The following SBNO1 variants were observed in gnomAD, a reference collection of about 807,000 sequenced individuals.
SBNO1 encodes the protein protein strawberry notch homolog 1.
SBNO1 carries 23 observed loss-of-function variants against 173.6 expected under a neutral mutation model. The observed-to-expected ratio is 0.13, with a 90% CI of 0.10 to 0.19. SBNO1 has a LOEUF of 0.19. Ranked by LOEUF, SBNO1 falls within the 10% of genes least tolerant of loss-of-function variation. SBNO1 has a pLI of 1.00. For synonymous variants in SBNO1, 632 were observed against 571.5 expected (o/e 1.11, Z -1.51); for missense variants, 1,238 against 1,671.2 (o/e 0.74, Z 4.52).
intron 1 of SBNO1, among the ~76,000 whole-genome samples, chr12:123,363,136 T>C (rs775677322): frequency 5.3e-4 from 81 of 151,954 alleles, no homozygotes; most frequent in Non-Finnish European, 1.0e-3. Context: ...ATGGAATAAG[T>C]TGGAATGGAA....
chr12:123,347,519 C>T (rs1873339272), intron 3 of SBNO1, among the ~76,000 whole-genome samples: 1 of 150,586 alleles, frequency 6.6e-6, no homozygotes, highest in East Asian at 2.0e-4. Flanking sequence ...AGCCACTGTG[C>T]CTGGCCTCTT....
chr12:123,339,110 T>TA (rs1000081021), intron 5 of SBNO1, among the ~76,000 whole-genome samples: 5 of 152,166 alleles, frequency 3.3e-5, no homozygotes, highest in Admixed American at 3.3e-4. Context: ...GTGCTGTTGG[T>TA]AGACAATCAC....
At position 123,349,775 on chromosome 12, in the gene SBNO1, C is replaced by T. The variant is rs1475648774; in HGVS notation, c.132+535G>A. Reference sequence around the variant, plus strand: ...ACTAAAAATATAAAAATTAGCCAGGCGTCGTGGCCCATGCCTGTAATCCCA... The same window carrying T: ...ACTAAAAATATAAAAATTAGCCAGGTGTCGTGGCCCATGCCTGTAATCCCA... On this transcript the variant is annotated intron_variant, in intron 2 of 31. Coordinates refer to ENST00000602398, the MANE Select transcript of SBNO1 (RefSeq NM_001167856.3). Among the ~76,000 whole-genome samples, 8 of 152,084 alleles carry T rather than the reference C, an allele frequency of 5.3e-5. 1 individual carries two copies. The South Asian group carries it at 1.0e-3, about 20-fold the overall frequency.
chr12:123,341,147 A>G, intron 4 of SBNO1, 59 bp from the exon 5 acceptor site: 2 of 1,072,018 alleles, frequency 1.9e-6, no homozygotes, highest in South Asian at 3.0e-5. Context: ...TTTTCCCATT[A>G]TTTAAAAATC....
chr12:123,364,289 C>T, intron 1 of SBNO1: 1 of 985,632 alleles, frequency 1.0e-6, no homozygotes, highest in Non-Finnish European at 1.2e-6. Context: ...AGGATCCGGT[C>T]CTTACTTTCC....
At chr12:123,296,258 A>T (rs1039227669) in intron 31 of SBNO1, among the ~76,000 whole-genome samples, 1 of 148,152 alleles carries the variant, frequency 6.7e-6, no homozygotes, top group Non-Finnish European at 1.5e-5. Context: ...AAGCATATGC[A>T]TGTGTTTAGT....
At chr12:123,316,700 C>CT (rs200270900) in intron 21 of SBNO1, among the ~76,000 whole-genome samples, 1 of 95,616 alleles carries the variant, frequency 1.0e-5, no homozygotes, top group African/African-American at 2.7e-5. Context: ...TTCTTTTCTT[C>CT]TTCTTTTTTT....
intron 29 of SBNO1, 63 bp from the exon 30 acceptor site, chr12:123,302,963 C>T (rs1457733426): frequency 4.0e-6 from 5 of 1,243,112 alleles, no homozygotes; most frequent in East Asian, 2.3e-5. Flanking sequence ...GTTACCTAGT[C>T]TGGTCTGTAA....
chr12:123,302,661 T>C (rs2048825727), intron 30 of SBNO1, among the ~76,000 whole-genome samples, 163 bp downstream of exon 30: 1 of 152,218 alleles, frequency 6.6e-6, no homozygotes, highest in African/African-American at 2.4e-5. Context: ...CTAAACAGTT[T>C]CTAGTCTACA....
Position 123,315,655 on chromosome 12 carries a change from T to A in SBNO1, c.2941A>T (p.Thr981Ser). 1 of 1,597,920 alleles carries A rather than the reference T, an allele frequency of 6.3e-7. No homozygotes were observed. Among genetic ancestry groups the A allele is most frequent in the Non-Finnish European group, 8.6e-7 (1 of 1,165,504 alleles). The change falls in exon 22 of 32, where the codon ACT becomes TCT. Residue 981 changes from threonine to serine, a missense_variant. Physicochemically the swap from Thr to Ser is moderately conservative, Grantham distance 58. Coordinates refer to ENST00000602398, the MANE Select transcript of SBNO1 (RefSeq NM_001167856.3). ...GCAGTAACTTGGTTTGATCTATGAGTACGTCCTGCAACGAAATTTTGTTTT... is the reference window on the plus strand; with the variant it reads ...GCAGTAACTTGGTTTGATCTATGAGAACGTCCTGCAACGAAATTTTGTTTT... ...ADRAIQQFGR[T>S]HRSNQVTAPE...
At chr12:123,336,107 G>A (rs1186654408) in intron 6 of SBNO1, among the ~76,000 whole-genome samples, 1 of 151,942 alleles carries the variant, frequency 6.6e-6, no homozygotes, top group Non-Finnish European at 1.5e-5. Flanking sequence ...CAAAAACTAT[G>A]GAATTCAAAT....
intron 4 of SBNO1, 138 bp downstream of exon 4, chr12:123,345,120 A>G: frequency 1.4e-6 from 1 of 706,258 alleles, no homozygotes; most frequent in Non-Finnish European, 2.4e-6. Context: ...ATTGTGTTAA[A>G]GACTGTAAGT....
chr12:123,319,429 T>C (rs755307938), intron 20 of SBNO1, among the ~76,000 whole-genome samples: 3 of 151,868 alleles, frequency 2.0e-5, no homozygotes, highest in African/African-American at 4.8e-5. Context: ...CTAAAAAAAT[T>C]TGTGTAATAG....
intron 1 of SBNO1, among the ~76,000 whole-genome samples, chr12:123,351,809 A>AG (rs1873916805): frequency 6.6e-6 from 1 of 152,200 alleles, no homozygotes; most frequent in Admixed American, 6.6e-5. Flanking sequence ...AGGGAGCTAA[A>AG]TCCATCACAT....
chr12:123,316,845 G>A (rs573727152), intron 21 of SBNO1, among the ~76,000 whole-genome samples: 2 of 151,980 alleles, frequency 1.3e-5, no homozygotes, highest in South Asian at 4.2e-4. Context: ...TGGGATTACA[G>A]GTGTGTGCCA....
chr12:123,333,708 G>C (rs1046900874), intron 7 of SBNO1, among the ~76,000 whole-genome samples: 2 of 151,914 alleles, frequency 1.3e-5, no homozygotes, highest in Non-Finnish European at 2.9e-5. Context: ...ATGTTACCCA[G>C]ACTGGTCGCG....
chr12:123,318,215 G>C lies in SBNO1; in HGVS notation c.2800-859C>G, dbSNP rs547706136. ...AGTACTTTGAGAGGCCGAGGCAGACGGATCATTTGAGGTCAGGAGTTCAAG... is the reference window on the plus strand; with the variant it reads ...AGTACTTTGAGAGGCCGAGGCAGACCGATCATTTGAGGTCAGGAGTTCAAG... On this transcript the variant is annotated intron_variant, in intron 20 of 31. Coordinates refer to ENST00000602398, the MANE Select transcript of SBNO1 (RefSeq NM_001167856.3). Among the ~76,000 whole-genome samples the C allele has an allele frequency of 9.3e-4, 141 of 152,248 alleles. 1 individual carries two copies. The highest frequency in any genetic ancestry group is 3.4e-3 in the Middle Eastern group (1 of 294).
At chr12:123,357,180 C>T (rs920643799) in intron 1 of SBNO1, among the ~76,000 whole-genome samples, 1 of 152,194 alleles carries the variant, frequency 6.6e-6, no homozygotes, top group Non-Finnish European at 1.5e-5. Flanking sequence ...AGCATGGTGG[C>T]TCATGCCTGT....
Position 123,327,918 on chromosome 12 carries a change from G to C in SBNO1, c.1406C>G (p.Ala469Gly). Reference protein sequence around the residue: ...VLELQNKLPKARVVYASATGA... With the variant: ...VLELQNKLPKGRVVYASATGA... Reference sequence around the variant, plus strand: ...AGTTGCACTAGCATAAACAACTCTGGCTTTTGGCAATTTGTTCTGAAGCTC... The same window carrying C: ...AGTTGCACTAGCATAAACAACTCTGCCTTTTGGCAATTTGTTCTGAAGCTC... Residue 469 changes from alanine (A) to glycine (G), a missense_variant, in exon 11 of 32, where the codon GCC (alanine) becomes GGC (glycine). Coordinates refer to ENST00000602398, the MANE Select transcript of SBNO1 (RefSeq NM_001167856.3). The C allele has an allele frequency of 6.2e-7, 1 of 1,612,380 alleles. No homozygotes were observed.
Sources: allele counts gnomAD v4.1 joint callset (sites outside exome capture counted in the v4.1 genomes callset), GRCh38; gene constraint gnomAD v4.1.1; transcripts MANE v1.5; gene names NCBI Gene and HGNC (gene_info 2026-07-23, HGNC 2026-07-21).